The following ENOX1 variants were observed in gnomAD, a reference collection of about 807,000 sequenced individuals.
ENOX1 encodes the protein candidate growth-related and time keeping constitutive hydroquinone (NADH) oxidase.
ENOX1 carries 42 observed loss-of-function variants against 82.5 expected under a neutral mutation model. The ratio of observed to expected loss-of-function variants is 0.51; its 90% CI spans 0.40 to 0.66. The LOEUF is 0.66. Among genes scored for constraint, ENOX1 ranks in the 30% least tolerant of loss-of-function variants. The probability of loss-of-function intolerance (pLI) is 0.00; values close to 1 mark genes in which losing one functional copy is unlikely to be tolerated. For missense variants in ENOX1, 608 were observed against 811.6 expected, an observed-to-expected ratio of 0.75 and a Z score of 3.05; for synonymous variants, 271 against 282.2, an observed-to-expected ratio of 0.96 and a Z score of 0.40.
intron 3 of ENOX1, among the ~76,000 whole-genome samples, chr13:43,466,539 G>C (rs2057729271): frequency 1.3e-5 from 2 of 151,974 alleles, no homozygotes; most frequent in Admixed American, 6.6e-5. Flanking sequence ...CTTTCTGAAT[G>C]GTATATTTTG....
chr13:43,587,459 T>G (rs2081050074), intron 2 of ENOX1, among the ~76,000 whole-genome samples: 1 of 152,218 alleles, frequency 6.6e-6, no homozygotes, highest in African/African-American at 2.4e-5. Context: ...TTCTGGTTAA[T>G]GCAATCCCAG....
intron 2 of ENOX1, among the ~76,000 whole-genome samples, chr13:43,655,874 A>G (rs970197367): frequency 2.6e-5 from 4 of 152,114 alleles, no homozygotes; most frequent in African/African-American, 7.2e-5. Flanking sequence ...CCACCTTCCA[A>G]ATAACTAGTT....
chr13:43,724,028 T>C (rs909927887), intron 1 of ENOX1, among the ~76,000 whole-genome samples: 1 of 152,196 alleles, frequency 6.6e-6, no homozygotes, highest in African/African-American at 2.4e-5. Flanking sequence ...CTGTAATACC[T>C]ATCTGCCTCA....
At chr13:43,469,532 A>G (rs2057894300) in intron 3 of ENOX1, among the ~76,000 whole-genome samples, 1 of 151,968 alleles carries the variant, frequency 6.6e-6, no homozygotes, top group Admixed American at 6.6e-5. Flanking sequence ...TATCTGAAAT[A>G]TTTAAAAATA....
At chr13:43,462,105 G>A (rs1187113786) in intron 3 of ENOX1, among the ~76,000 whole-genome samples, 1 of 152,112 alleles carries the variant, frequency 6.6e-6, no homozygotes, top group Non-Finnish European at 1.5e-5. Context: ...AGAACCCCGA[G>A]GGACCCACTC....
intron 8 of ENOX1, among the ~76,000 whole-genome samples, chr13:43,345,295 T>C (rs2049311543): frequency 6.6e-6 from 1 of 152,246 alleles, no homozygotes; most frequent in South Asian, 2.1e-4. Context: ...TGTTCTACTG[T>C]AGTTCAAAAC....
chr13:43,579,097 T>C (rs2080582199), intron 2 of ENOX1, among the ~76,000 whole-genome samples: 1 of 151,994 alleles, frequency 6.6e-6, no homozygotes, highest in Admixed American at 6.6e-5. Context: ...TTAATATTAA[T>C]ATTAGCTATG....
intron 11 of ENOX1, among the ~76,000 whole-genome samples, chr13:43,301,396 G>A (rs962432714): frequency 6.6e-6 from 1 of 152,068 alleles, no homozygotes; most frequent in African/African-American, 2.4e-5. Flanking sequence ...ATAGGAAAGT[G>A]TACCATCCAT....
intron 2 of ENOX1, chr13:43,546,102 G>T (rs2078962732): frequency 6.6e-6 from 1 of 152,266 alleles, no homozygotes; most frequent in Non-Finnish European, 1.5e-5. Context: ...TAGGAATACG[G>T]TGCTGAATAA....
chr13:43,442,348 C>G lies in ENOX1; in HGVS notation c.-74-29360G>C, dbSNP rs192711317. Among the ~76,000 whole-genome samples the G allele has an allele frequency of 7.2e-5, 11 of 152,258 alleles. No homozygotes were observed. The East Asian group carries it at 1.2e-3, about 16-fold the overall frequency. ...GCACTAGGCTTTCCATATGGCATAG[C>G]CTGAGAATGTGTTAAATATGTAGTT... On this transcript the variant is annotated intron_variant, in intron 3 of 16. Coordinates refer to ENST00000690772, the MANE Select transcript of ENOX1 (RefSeq NM_001347969.2).
At chr13:43,253,079 A>T (rs17538409) in intron 14 of ENOX1, among the ~76,000 whole-genome samples, 14,913 of 152,210 alleles carry the variant, frequency 0.098, 842 homozygotes, top group Middle Eastern at 0.13. Flanking sequence ...TTATTTTAGG[A>T]TAAGCATTTC....
At position 43,744,165 on chromosome 13, in the gene ENOX1, A is replaced by C. The variant is rs542329851; in HGVS notation, c.-285+42487T>G. The stretch of plus-strand genomic sequence containing the variant: ...CCTAGAAACAACTTCCATTTCAGTG[A>C]AAATCTACTGCCTCCACAGAGAACA... On this transcript the variant is annotated intron_variant, in intron 1 of 16. Transcript: ENST00000690772. Among the ~76,000 whole-genome samples the C allele has an allele frequency of 2.6e-5, 4 of 152,298 alleles. No individual in the cohort carries two copies. The South Asian group carries it at 8.3e-4, about 32-fold the overall frequency.
chr13:43,509,793 T>A (rs2077297354), intron 2 of ENOX1, among the ~76,000 whole-genome samples: 1 of 152,016 alleles, frequency 6.6e-6, no homozygotes, highest in Non-Finnish European at 1.5e-5. Context: ...CAAAGTCCCC[T>A]TCTTGCAGAA....
At chr13:43,489,696 C>T (rs1336769105) in intron 2 of ENOX1, among the ~76,000 whole-genome samples, 4 of 152,114 alleles carry the variant, frequency 2.6e-5, no homozygotes, top group Non-Finnish European at 4.4e-5. Flanking sequence ...CTCCAGCCCG[C>T]GAGAGCTGCT....
At chr13:43,623,344 C>T (rs1394104529) in intron 2 of ENOX1, among the ~76,000 whole-genome samples, 1 of 152,124 alleles carries the variant, frequency 6.6e-6, no homozygotes, top group African/African-American at 2.4e-5. Context: ...GGTTTTACCC[C>T]CTGCTCCTCT....
At chr13:43,566,138 C>T (rs778923874) in intron 2 of ENOX1, among the ~76,000 whole-genome samples, 2 of 152,172 alleles carry the variant, frequency 1.3e-5, no homozygotes, top group African/African-American at 2.4e-5. Flanking sequence ...CTTTCTTACA[C>T]AAATGTTGAA....
intron 2 of ENOX1, among the ~76,000 whole-genome samples, chr13:43,500,185 T>C (rs1314661481): frequency 6.6e-6 from 1 of 152,120 alleles, no homozygotes; most frequent in Admixed American, 6.5e-5. Context: ...AGAAAGCTTA[T>C]TTAAAGAAAT....
At chr13:43,246,148 C>T (rs2043069733) in intron 14 of ENOX1, among the ~76,000 whole-genome samples, 1 of 152,184 alleles carries the variant, frequency 6.6e-6, no homozygotes, top group African/African-American at 2.4e-5. Flanking sequence ...CAAATATAAA[C>T]TCAATTGTCA....
At chr13:43,422,583 G>A (rs1251044326) in intron 3 of ENOX1, among the ~76,000 whole-genome samples, 1 of 152,096 alleles carries the variant, frequency 6.6e-6, no homozygotes, top group Non-Finnish European at 1.5e-5. Flanking sequence ...AATGGGTAAG[G>A]TTTTACCCAC....
Sources: allele counts gnomAD v4.1 joint callset (sites outside exome capture counted in the v4.1 genomes callset), GRCh38; gene constraint gnomAD v4.1.1; transcripts MANE v1.5; gene names NCBI Gene and HGNC (gene_info 2026-07-23, HGNC 2026-07-21).